The following COX15 variants were observed in gnomAD, a reference collection of about 807,000 sequenced individuals.
The protein encoded by COX15 is cytochrome c oxidase assembly factor COX15.
A neutral mutation model predicts 51.9 loss-of-function variants in COX15; 51 were observed. The ratio of observed to expected loss-of-function variants is 0.98; its 90% CI spans 0.78 to 1.24. The LOEUF is 1.24. Ranked by LOEUF, COX15 falls within the 50% of genes most tolerant of loss-of-function variation. The probability of loss-of-function intolerance (pLI) is 0.00; values close to 1 mark genes in which losing one functional copy is unlikely to be tolerated. For synonymous variants in COX15, 188 were observed against 190.5 expected (o/e 0.99, Z 0.11); for missense variants, 420 against 501.1 (o/e 0.84, Z 1.55).
the COX15 span, among the ~76,000 whole-genome samples, chr10:99,702,280 G>T: frequency 6.6e-6 from 1 of 151,656 alleles, no homozygotes; most frequent in African/African-American, 2.4e-5. Flanking sequence ...CTGAAGATAG[G>T]GACTCTTAAA....
the COX15 span, chr10:99,702,748 T>C: frequency 1.5e-6 from 1 of 660,794 alleles, no homozygotes. Flanking sequence ...GGTTTCTTTC[T>C]TTTTTTTTTT....
At chr10:99,717,982 G>T (rs1488079093) in intron 7 of COX15, among the ~76,000 whole-genome samples, 2 of 152,208 alleles carry the variant, frequency 1.3e-5, no homozygotes, top group Non-Finnish European at 2.9e-5. Flanking sequence ...TACGTGCTTA[G>T]CAGCTATGGT....
At chr10:99,704,616 C>T in the COX15 span, 1 of 1,614,158 alleles carries the variant, frequency 6.2e-7, no homozygotes, top group Non-Finnish European at 8.5e-7. Context: ...ACACGAGCCT[C>T]AGCTCCATTG....
At position 99,721,139 on chromosome 10, in the gene COX15, G is replaced by A. The variant is rs531047094; in HGVS notation, c.751-71C>T. 3 of 1,251,026 alleles carry A rather than the reference G, an allele frequency of 2.4e-6. No homozygotes were observed. In the East Asian group the frequency reaches 7.3e-5, roughly 30 times the overall value. The allele number at this position is 1,251,026 out of a possible 1,614,324, so 77.5% of individuals were successfully genotyped here. Reference sequence around the variant, plus strand: ...AATGAGAGGCAGCAAAGATCTCTAAGGCCAAACCCAAGTGACAAATTAAGA... The same window carrying A: ...AATGAGAGGCAGCAAAGATCTCTAAAGCCAAACCCAAGTGACAAATTAAGA... On this transcript the variant is annotated intron_variant, in intron 5 of 8. Transcript: ENST00000016171.
Position 99,711,990 on chromosome 10 carries a change from G to T in COX15, c.*2597C>A. 3.2e-6 allele frequency: 1 copy of T among 314,704 alleles called. No individual in the cohort carries two copies. The highest frequency in any genetic ancestry group is 4.6e-6 in the Non-Finnish European group (1 of 216,776). 19.5% of individuals were successfully genotyped at this position (314,704 alleles called of 1,614,324 possible). ...AAGGGGAGCCAGTGTGTCACATGGT[G>T]AGAGAGAGCAAGCGAGAGAGGAGGA... On this transcript the variant is annotated 3_prime_UTR_variant, in exon 9 of 9. Transcript: ENST00000016171.
At chr10:99,709,833 C>A (rs1191640959), downstream of COX15, 3 of 985,050 alleles carry the variant, frequency 3.0e-6, no homozygotes, top group Non-Finnish European at 3.6e-6. Flanking sequence ...TTGTCAGTAC[C>A]GTTATCAGAG....
At chr10:99,704,382 CA>C in the COX15 span, 1 of 1,505,398 alleles carries the variant, frequency 6.6e-7, no homozygotes, top group Admixed American at 1.7e-5. Flanking sequence ...CTGGGCCTTT[CA>C]AATCAGTAAA....
rs533184828 is a variant in COX15, at chr10:99,714,580, C to G, written c.*7G>C. The G allele has an allele frequency of 5.0e-6, 8 of 1,614,046 alleles. No individual in the cohort carries two copies. The highest frequency in any genetic ancestry group is 6.8e-6 in the Non-Finnish European group (8 of 1,179,976). On this transcript the variant is annotated 3_prime_UTR_variant, in exon 9 of 9. Transcript: ENST00000016171. Reference sequence around the variant, plus strand: ...GTCACAGTCCCAGGAGGCTGGTCCTCTAAGAATCATTTTGGGACTCTTCGG... The same window carrying G: ...GTCACAGTCCCAGGAGGCTGGTCCTGTAAGAATCATTTTGGGACTCTTCGG...
the COX15 span, chr10:99,702,530 G>A: frequency 3.8e-6 from 6 of 1,588,384 alleles, no homozygotes; most frequent in South Asian, 3.5e-5. Flanking sequence ...GTTTTAAATC[G>A]GCTTGGATGT....
chr10:99,730,829 G>A (rs532602344), intron 1 of COX15, among the ~76,000 whole-genome samples: 1 of 152,284 alleles, frequency 6.6e-6, no homozygotes, highest in South Asian at 2.1e-4. Context: ...GGGAGGCCAA[G>A]GTGAGAGGAT....
intron 3 of COX15, 107 bp from the exon 4 acceptor site, chr10:99,727,261 G>A: frequency 2.1e-6 from 3 of 1,445,840 alleles, no homozygotes; most frequent in South Asian, 1.2e-5. Flanking sequence ...AACTTGGTAG[G>A]TCTGCCCTCT....
At position 99,718,287 on chromosome 10, in the gene COX15, C is replaced by A. The variant is rs910358753; in HGVS notation, c.987+59G>T. 18 of 1,595,852 alleles carry A rather than the reference C, an allele frequency of 1.1e-5. No homozygotes were observed. The African/African-American group carries it at 2.0e-4, about 18-fold the overall frequency. On this transcript the variant is annotated intron_variant, in intron 7 of 8. Transcript: ENST00000016171. ...TGTTGCCATCAGTGCTTCACTGACA[C>A]CCCAAAGCCTATGATAGGCTCCTGT...
intron 2 of COX15, among the ~76,000 whole-genome samples, chr10:99,728,097 C>T (rs887346371): frequency 5.9e-5 from 9 of 152,074 alleles, no homozygotes; most frequent in Non-Finnish European, 7.4e-5. Context: ...AACTTTTTTA[C>T]CAAAAGGAAT....
At chr10:99,695,329 C>T in the COX15 span, among the ~76,000 whole-genome samples, 1 of 152,014 alleles carries the variant, frequency 6.6e-6, no homozygotes, top group Non-Finnish European at 1.5e-5. Flanking sequence ...TCGAGAACAT[C>T]CTGGCCAACA....
chr10:99,704,921 A>G, the COX15 span: 1 of 537,110 alleles, frequency 1.9e-6, no homozygotes, highest in Non-Finnish European at 3.3e-6. Flanking sequence ...ACGGGGGACC[A>G]AGCTTTGTCC....
chr10:99,718,266 G>T, intron 7 of COX15, 80 bp downstream of exon 7: 2 of 1,470,732 alleles, frequency 1.4e-6, no homozygotes, highest in Non-Finnish European at 1.9e-6. Context: ...TCTCAGTGTT[G>T]CCATCAGTGC....
the COX15 span, chr10:99,702,743 C>A: frequency 7.2e-7 from 1 of 1,397,776 alleles, no homozygotes; most frequent in Non-Finnish European, 9.5e-7. Flanking sequence ...GAATCGGTTT[C>A]TTTCTTTTTT....
the COX15 span, chr10:99,704,903 G>A: frequency 1.7e-6 from 1 of 571,940 alleles, no homozygotes; most frequent in Admixed American, 3.1e-5. Context: ...CAGGAGATTG[G>A]TGCTAATACG....
At chr10:99,702,450 G>T in the COX15 span, 1 of 1,416,540 alleles carries the variant, frequency 7.1e-7, no homozygotes, top group Non-Finnish European at 9.4e-7. Context: ...GTGGCTTATT[G>T]CAAAGGAAAG....
Sources: allele counts gnomAD v4.1 joint callset (sites outside exome capture counted in the v4.1 genomes callset), GRCh38; gene constraint gnomAD v4.1.1; transcripts MANE v1.5; gene names NCBI Gene and HGNC (gene_info 2026-07-23, HGNC 2026-07-21).